Variants in DLG2 observed in about 807,000 individuals in gnomAD.
The protein encoded by DLG2 is disks large homolog 2.
A neutral mutation model predicts 132.5 loss-of-function variants in DLG2; 45 were observed. The ratio of observed to expected loss-of-function variants is 0.34; its 90% CI spans 0.27 to 0.44. DLG2 has a LOEUF of 0.44. Among genes scored for constraint, DLG2 ranks in the 20% least tolerant of loss-of-function variants. The pLI, the probability that DLG2 is intolerant of heterozygous loss-of-function variation, is 1.00. For missense variants in DLG2, 1,045 were observed against 1,196.9 expected (o/e 0.87, Z 1.87); for synonymous variants, 424 against 419.6 (o/e 1.01, Z -0.13).
intron 11 of DLG2, among the ~76,000 whole-genome samples, chr11:84,027,921 A>T (rs1158111820): frequency 6.6e-6 from 1 of 152,116 alleles, no homozygotes; most frequent in African/African-American, 2.4e-5. Flanking sequence ...AAAAATAGAA[A>T]TAAGAATGTA....
At chr11:85,448,233 TC>T (rs553705756) in intron 3 of DLG2, among the ~76,000 whole-genome samples, 66 of 152,336 alleles carry the variant, frequency 4.3e-4, no homozygotes, top group Middle Eastern at 6.8e-3. Flanking sequence ...GAATTTCTAA[TC>T]TAAACTAGAC....
chr11:85,436,500 G>C (rs1054465174), intron 3 of DLG2, among the ~76,000 whole-genome samples: 1 of 152,094 alleles, frequency 6.6e-6, no homozygotes, highest in Admixed American at 6.5e-5. Context: ...GGGGGCAAAA[G>C]ATATGAACAG....
Position 85,583,088 on chromosome 11 carries a change from A to ATGTGTGTG in DLG2, c.40+15561_40+15568dup, listed in dbSNP as rs3068389. 2.5e-3 allele frequency among the ~76,000 whole-genome samples: 74 copies of ATGTGTGTG among 29,846 alleles called. 2 individuals carry two copies. The highest frequency in any genetic ancestry group is 5.8e-3 in the African/African-American group (45 of 7,746). 19.6% of individuals were successfully genotyped at this position (29,846 alleles called of 152,430 possible). On this transcript the variant is annotated intron_variant, in intron 3 of 27. Transcript: ENST00000376104. ...TATATATATATATATAATATATGTG[A>ATGTGTGTG]TGTGTGTGTGTGTGTGTGTGTGTGT...
intron 6 of DLG2, among the ~76,000 whole-genome samples, chr11:84,729,566 TGGAGA>T (rs2062906458): frequency 6.6e-6 from 1 of 152,014 alleles, no homozygotes; most frequent in African/African-American, 2.4e-5. Flanking sequence ...TGAATTGGAG[TGGAGA>T]GTTCTGTTCA....
intron 6 of DLG2, among the ~76,000 whole-genome samples, chr11:84,837,031 C>T (rs1249792461): frequency 6.6e-6 from 1 of 151,802 alleles, no homozygotes; most frequent in Non-Finnish European, 1.5e-5. Flanking sequence ...CCACAACAGG[C>T]CCCAGTGTGT....
intron 9 of DLG2, among the ~76,000 whole-genome samples, chr11:84,106,324 A>G (rs925427163): frequency 1.3e-5 from 2 of 152,134 alleles, no homozygotes; most frequent in Non-Finnish European, 2.9e-5. Context: ...TCTTTCTCAC[A>G]TCCACTTTCT....
chr11:85,402,836 T>C (rs1453370296), intron 3 of DLG2, among the ~76,000 whole-genome samples: 1 of 151,884 alleles, frequency 6.6e-6, no homozygotes, highest in Non-Finnish European at 1.5e-5. Flanking sequence ...AAAAAGTCAG[T>C]AAACAAGAGA....
intron 6 of DLG2, chr11:84,923,248 T>G: frequency 6.6e-7 from 1 of 1,516,064 alleles, no homozygotes; most frequent in East Asian, 2.4e-5. Flanking sequence ...TGCATTGATC[T>G]CTGTTTTCTC....
chr11:83,894,487 A>G (rs1444290468), intron 15 of DLG2, among the ~76,000 whole-genome samples: 1 of 152,210 alleles, frequency 6.6e-6, no homozygotes, highest in Non-Finnish European at 1.5e-5. Context: ...AAATTTTGAG[A>G]AAGTTTTCCC....
At chr11:84,133,857 T>G (rs2094508953) in intron 9 of DLG2, among the ~76,000 whole-genome samples, 1 of 152,070 alleles carries the variant, frequency 6.6e-6, no homozygotes, top group African/African-American at 2.4e-5. Flanking sequence ...ATCTGGCTTT[T>G]AAACTAATGA....
intron 7 of DLG2, among the ~76,000 whole-genome samples, chr11:84,273,939 G>C (rs1203113296): frequency 6.6e-6 from 1 of 152,074 alleles, no homozygotes; most frequent in Non-Finnish European, 1.5e-5. Context: ...AGAGTAACTA[G>C]AAGAACTTTA....
chr11:85,541,441 C>T (rs1288924042), intron 3 of DLG2, among the ~76,000 whole-genome samples: 1 of 151,136 alleles, frequency 6.6e-6, no homozygotes, highest in East Asian at 1.9e-4. Flanking sequence ...AGTTAACTTG[C>T]CCAATGTCAT....
chr11:84,078,983 G>A (rs2096865985), intron 10 of DLG2, among the ~76,000 whole-genome samples: 1 of 151,964 alleles, frequency 6.6e-6, no homozygotes, highest in South Asian at 2.1e-4. Context: ...CTTTCCAATT[G>A]TCATCCTCAA....
rs189526465 is a variant in DLG2, at chr11:83,934,312, T to A, written c.1341-3829A>T. Among the ~76,000 whole-genome samples the A allele has an allele frequency of 3.9e-5, 6 of 152,332 alleles. No homozygotes were observed. In the East Asian group the frequency reaches 1.2e-3, roughly 29 times the overall value. On this transcript the variant is annotated intron_variant, in intron 14 of 27. Transcript: ENST00000376104. ...AACCTTGGGCCTCTATGTAATTACA[T>A]AGTACCTGAGACTAATACCAGACTG...
rs1050339265 is a variant in DLG2 at position 84,489,812 on chromosome 11, T to C, written c.519+44758A>G. On this transcript the variant is annotated intron_variant, in intron 7 of 27. Coordinates refer to ENST00000376104, the MANE Select transcript of DLG2 (RefSeq NM_001142699.3). ...AATCATCCATATTCAAAGTATCTTT[T>C]CTATGTAAAATTTCATATATTCTAT... Among the ~76,000 whole-genome samples, 44 of 152,088 alleles carry C rather than the reference T, an allele frequency of 2.9e-4. 1 individual carries two copies. Among genetic ancestry groups the C allele is most frequent in the Admixed American group, 2.8e-3 (43 of 15,240 alleles).
At chr11:83,572,748 T>C (rs1202283373) in intron 19 of DLG2, among the ~76,000 whole-genome samples, 1 of 152,170 alleles carries the variant, frequency 6.6e-6, no homozygotes, top group Non-Finnish European at 1.5e-5. Flanking sequence ...GCTCACTCCT[T>C]AGTGAGGCAA....
intron 8 of DLG2, among the ~76,000 whole-genome samples, chr11:84,234,201 T>A (rs992498453): frequency 2.0e-5 from 3 of 152,022 alleles, no homozygotes; most frequent in East Asian, 3.9e-4. Flanking sequence ...CAACAACATA[T>A]AAAACCCCAA....
chr11:85,018,865 C>G (rs1246629226), intron 6 of DLG2, among the ~76,000 whole-genome samples: 1 of 149,946 alleles, frequency 6.7e-6, no homozygotes, highest in Non-Finnish European at 1.5e-5. Flanking sequence ...TCTGAAACAT[C>G]AGGCTGTTCA....
intron 18 of DLG2, among the ~76,000 whole-genome samples, chr11:83,749,153 A>T (rs567138631): frequency 9.2e-5 from 14 of 152,332 alleles, no homozygotes; most frequent in African/African-American, 3.4e-4. Flanking sequence ...GAATTCTAGC[A>T]GCACAACACA....
Sources: gnomAD v4.1 joint callset for allele counts (sites outside exome capture counted in the v4.1 genomes callset) on GRCh38, gnomAD v4.1.1 for gene constraint, MANE v1.5 for transcripts, NCBI Gene and HGNC (gene_info 2026-07-23, HGNC 2026-07-21) for gene names.